The following CYB561 variants were observed in gnomAD, a reference collection of about 807,000 sequenced individuals.
The protein encoded by CYB561 is cytochrome b561.
Under a neutral mutation model 25.3 loss-of-function variants are expected in CYB561, and 11 were observed. That is an observed-to-expected ratio of 0.44 (90% CI 0.27 to 0.72). CYB561 has a LOEUF of 0.72. CYB561 is among the 30% of genes least tolerant of loss of function. The probability of loss-of-function intolerance (pLI) is 0.18; values close to 1 mark genes in which losing one functional copy is unlikely to be tolerated. For missense variants in CYB561, 295 were observed against 334.9 expected (o/e 0.88, Z 0.93); for synonymous variants, 165 against 158.8 (o/e 1.04, Z -0.29).
At chr17:63,445,065 A>C (rs1340143993) in intron 1 of CYB561, among the ~76,000 whole-genome samples, 1 of 152,220 alleles carries the variant, frequency 6.6e-6, no homozygotes, top group African/African-American at 2.4e-5. Flanking sequence ...AATCCCAGCT[A>C]CTAGGGAGGC....
rs770407695 is a variant in CYB561, at chr17:63,435,681, G to A, written c.405+7C>T. On this transcript the variant is annotated splice_region_variant and intron_variant, in intron 4 of 5. Coordinates refer to ENST00000360793, the MANE Select transcript of CYB561 (RefSeq NM_001915.4). Reference sequence around the variant, plus strand: ...GGCCCCAGGCCCGGGGTGTTGGAAGGACTCACCTGCACAAAGTACAGGACA... The same window carrying A: ...GGCCCCAGGCCCGGGGTGTTGGAAGAACTCACCTGCACAAAGTACAGGACA... 1.9e-6 allele frequency: 3 copies of A among 1,612,880 alleles called. No individual in the cohort carries two copies. In the South Asian group the frequency reaches 3.3e-5, roughly 18 times the overall value.
At chr17:63,440,141 C>G (rs746940110) in intron 1 of CYB561, 8 of 398,516 alleles carry the variant, frequency 2.0e-5, no homozygotes, top group Non-Finnish European at 3.5e-5. Flanking sequence ...GTTCTGTCCC[C>G]GCCACCCCAA....
At chr17:63,446,208 TGC>T (rs944494107) in intron 1 of CYB561, 35 bp downstream of exon 1, 12 of 151,530 alleles carry the variant, frequency 7.9e-5, no homozygotes, top group African/African-American at 2.9e-4. Flanking sequence ...CCCGCACCCC[TGC>T]GCGCTCCGCT....
In CYB561 at chr17:63,433,743, C is replaced by T. The variant is rs749597212; in HGVS notation, c.*659G>A. On this transcript the variant is annotated 3_prime_UTR_variant, in exon 6 of 6. Transcript: ENST00000360793. ...TGCCAAGAGAAAGTCTGTCTGAAGTCATGGGCTTCTATCCCCTCTCCCACC... is the reference window on the plus strand; with the variant it reads ...TGCCAAGAGAAAGTCTGTCTGAAGTTATGGGCTTCTATCCCCTCTCCCACC... The T allele has an allele frequency of 4.3e-6, 1 of 234,748 alleles. No homozygotes were observed. Among genetic ancestry groups the T allele is most frequent in the Non-Finnish European group, 8.1e-6 (1 of 123,014 alleles). 14.5% of individuals were successfully genotyped at this position (234,748 alleles called of 1,614,324 possible).
At position 63,434,090 on chromosome 17, in the gene CYB561, T is replaced by C; in HGVS notation, c.*312A>G. The C allele has an allele frequency of 3.1e-6, 1 of 320,018 alleles. No individual in the cohort carries two copies. The highest frequency in any genetic ancestry group is 2.1e-5 in the African/African-American group (1 of 47,344). The allele number at this position is 320,018 out of a possible 1,614,324, so 19.8% of individuals were successfully genotyped here. A position where few individuals can be genotyped will look rare whatever the true frequency, so the allele number is the denominator to read the frequency against. ...CTGCTGCCAGGAGGGTGGGGCCTCC[T>C]CTCTCGCTTCTTTAAAGATCTGTGC... is the stretch of plus-strand genomic sequence containing the variant. On this transcript the variant is annotated 3_prime_UTR_variant, in exon 6 of 6. Coordinates refer to ENST00000360793, the MANE Select transcript of CYB561 (RefSeq NM_001915.4).
intron 1 of CYB561, among the ~76,000 whole-genome samples, chr17:63,442,057 T>C (rs2049380677): frequency 6.6e-6 from 1 of 152,150 alleles, no homozygotes. Context: ...AAGCCAGAGA[T>C]GAACAGCGGC....
rs753364325 is a variant in CYB561 at position 63,434,662 on chromosome 17, C to T, written c.564-68G>A. ...AATTAGGCCAAATGCCCTTTGTATCCTGGGCCTTAAAGATGCCATGGGGAT... is the reference window on the plus strand; with the variant it reads ...AATTAGGCCAAATGCCCTTTGTATCTTGGGCCTTAAAGATGCCATGGGGAT... On this transcript the variant is annotated intron_variant, in intron 5 of 5. Coordinates refer to ENST00000360793, the MANE Select transcript of CYB561 (RefSeq NM_001915.4). 5 of 1,400,026 alleles carry T rather than the reference C, an allele frequency of 3.6e-6. No individual in the cohort carries two copies. In the South Asian group the frequency reaches 6.4e-5, roughly 18 times the overall value. The allele number at this position is 1,400,026 out of a possible 1,614,324, so 86.7% of individuals were successfully genotyped here.
At chr17:63,443,091 A>G (rs2049392441) in intron 1 of CYB561, among the ~76,000 whole-genome samples, 1 of 152,306 alleles carries the variant, frequency 6.6e-6, no homozygotes, top group Admixed American at 6.5e-5. Flanking sequence ...TGAAGGGGAA[A>G]ACAGCTCAAT....
chr17:63,442,123 T>C (rs1381561889), intron 1 of CYB561, among the ~76,000 whole-genome samples: 1 of 151,956 alleles, frequency 6.6e-6, no homozygotes, highest in Admixed American at 6.6e-5. Context: ...AAAATCTAAG[T>C]GTAAGGATGA....
chr17:63,437,740 C>T, intron 1 of CYB561, 180 bp from the exon 2 acceptor site: 1 of 459,710 alleles, frequency 2.2e-6, no homozygotes, highest in South Asian at 2.1e-5. Context: ...CACAGCCCCC[C>T]CCGAAATGCG....
At chr17:63,435,451 C>T in intron 4 of CYB561, 2 of 682,526 alleles carry the variant, frequency 2.9e-6, no homozygotes, top group East Asian at 2.7e-5. Context: ...CCTTGGCACA[C>T]TCAGAAAGCT....
rs759441107 is a variant in CYB561, at chr17:63,437,443, G to A, written c.105C>T (p.Leu35=). ...AGGCAATGCCGCCTCGGTACAGCCC[G>A]AGCCACGCGCCGGTCATGGCCACCA... ...LTLVAMTGAW[L]GLYRGGIAWE... Residue 35 remains leucine (L), a synonymous_variant, in exon 2 of 6, where the codon CTC becomes CTT. Transcript: ENST00000360793. 4.6e-5 allele frequency: 75 copies of A among 1,613,866 alleles called. 1 individual carries two copies. Among genetic ancestry groups the A allele is most frequent in the South Asian group, 3.4e-4 (31 of 91,080 alleles).
chr17:63,434,524 C>A lies in CYB561; in HGVS notation c.634G>T (p.Gly212Cys). 6.2e-7 allele frequency: 1 copy of A among 1,613,516 alleles called. No individual in the cohort carries two copies. Among genetic ancestry groups the A allele is most frequent in the Non-Finnish European group, 8.5e-7 (1 of 1,179,962 alleles). ...NVLGLLLACF[G>C]GAVLYILTRA... ...GTCAAGATGTAGAGCACCGCCCCAC[C>A]GAAGCAGGCCAGCAGCAGGCCCAGC... The change falls in exon 6 of 6, where the codon GGT (glycine) becomes TGT (cysteine). Residue 212 changes from glycine to cysteine, a missense_variant. Gly to Cys is a radical substitution (Grantham distance 159). Transcript: ENST00000360793.
In CYB561 at chr17:63,434,059, A is replaced by C; in HGVS notation, c.*343T>G. ...CCCCAGTTTCCCCTGGCCTTGCCCC[A>C]GGCATCTGCTGCCAGGAGGGTGGGG... On this transcript the variant is annotated 3_prime_UTR_variant, in exon 6 of 6. Coordinates refer to ENST00000360793, the MANE Select transcript of CYB561 (RefSeq NM_001915.4). 3.7e-6 allele frequency: 1 copy of C among 270,112 alleles called. No homozygotes were observed. The highest frequency in any genetic ancestry group is 6.9e-6 in the Non-Finnish European group (1 of 144,224). 16.7% of individuals were successfully genotyped at this position (270,112 alleles called of 1,614,324 possible).
At position 63,434,319 on chromosome 17, in the gene CYB561, C is replaced by A; in HGVS notation, c.*83G>T. 1.5e-6 allele frequency: 2 copies of A among 1,306,652 alleles called. No individual in the cohort carries two copies. The highest frequency in any genetic ancestry group is 2.1e-6 in the Non-Finnish European group (2 of 970,774). 80.9% of individuals were successfully genotyped at this position (1,306,652 alleles called of 1,614,324 possible). On this transcript the variant is annotated 3_prime_UTR_variant, in exon 6 of 6. Transcript: ENST00000360793. ...GCGCCCGCCTGCTGCCAGAGCCACT[C>A]TCCGGAGCCTGCAGTCCTGAAGACG... is the stretch of plus-strand genomic sequence containing the variant.
At chr17:63,444,431 G>A (rs979474319) in intron 1 of CYB561, among the ~76,000 whole-genome samples, 1 of 152,224 alleles carries the variant, frequency 6.6e-6, no homozygotes, top group African/African-American at 2.4e-5. Context: ...AGTGGATAAA[G>A]GTGTGCCAGC....
In CYB561 at chr17:63,438,252, G is replaced by T. The variant is rs951733604; in HGVS notation, c.-13-692C>A. ...ATGAGGCCCTGGCCTTCCCTGGGTGGGCTTTACAGGTGAGTTACACAGGCA... is the reference window on the plus strand; with the variant it reads ...ATGAGGCCCTGGCCTTCCCTGGGTGTGCTTTACAGGTGAGTTACACAGGCA... On this transcript the variant is annotated intron_variant, in intron 1 of 5. Coordinates refer to ENST00000360793, the MANE Select transcript of CYB561 (RefSeq NM_001915.4). 9 of 1,533,200 alleles carry T rather than the reference G, an allele frequency of 5.9e-6. No homozygotes were observed. The African/African-American group carries it at 1.1e-4, about 19-fold the overall frequency. 95.0% of individuals were successfully genotyped at this position (1,533,200 alleles called of 1,614,324 possible). A position where few individuals can be genotyped will look rare whatever the true frequency, so the allele number is the denominator to read the frequency against.
At chr17:63,434,704 G>T (rs2147488359) in intron 5 of CYB561, 110 bp from the exon 6 acceptor site, 4 of 944,464 alleles carry the variant, frequency 4.2e-6, no homozygotes, top group Non-Finnish European at 6.3e-6. Context: ...ACCAGCCCCT[G>T]CCTCCCTGCC....
chr17:63,435,871 G>C (rs967033922), intron 3 of CYB561, 80 bp from the exon 4 acceptor site: 12 of 1,580,622 alleles, frequency 7.6e-6, no homozygotes, highest in South Asian at 2.2e-5. Flanking sequence ...GAACCAGCTA[G>C]CGGGACTTCT....
Sources: gnomAD v4.1 joint callset for allele counts (sites outside exome capture counted in the v4.1 genomes callset) on GRCh38, gnomAD v4.1.1 for gene constraint, MANE v1.5 for transcripts, NCBI Gene and HGNC (gene_info 2026-07-23, HGNC 2026-07-21) for gene names.